NPAS3: variants seen among roughly 807,000 people sequenced by gnomAD.
NPAS3 encodes neuronal PAS domain-containing protein 3.
NPAS3 carries 14 observed loss-of-function variants against 73.1 expected under a neutral mutation model. That is an observed-to-expected ratio of 0.19 (90% CI 0.13 to 0.30). NPAS3 has a LOEUF of 0.30. Among genes scored for constraint, NPAS3 ranks in the 10% least tolerant of loss-of-function variants. The probability of loss-of-function intolerance (pLI) is 1.00; values close to 1 mark genes in which losing one functional copy is unlikely to be tolerated. For missense variants in NPAS3, 1,096 were observed against 1,250.0 expected, an observed-to-expected ratio of 0.88 and a Z score of 1.86; for synonymous variants, 620 against 541.5, an observed-to-expected ratio of 1.14 and a Z score of -2.01.
At chr14:33,106,159 C>G (rs2042716952) in intron 2 of NPAS3, among the ~76,000 whole-genome samples, 1 of 152,146 alleles carries the variant, frequency 6.6e-6, no homozygotes, top group Non-Finnish European at 1.5e-5. Context: ...ACCACAAATT[C>G]ATCCAATATA....
rs912233819 is a variant in NPAS3 at position 33,418,373 on chromosome 14, G to C, written c.468+51105G>C. ...ATGAAGAATGATAATAGATAGTAGG[G>C]AAGCCTCCCAGGCTTGTATGCTGCT... On this transcript the variant is annotated intron_variant, in intron 4 of 11. Transcript: ENST00000356141. 2.0e-5 allele frequency among the ~76,000 whole-genome samples: 3 copies of C among 151,908 alleles called. No homozygotes were observed. In the East Asian group the frequency reaches 5.8e-4, roughly 29 times the overall value.
intron 5 of NPAS3, among the ~76,000 whole-genome samples, chr14:33,587,251 T>C (rs1019414834): frequency 4.6e-5 from 7 of 152,222 alleles, no homozygotes; most frequent in Admixed American, 4.6e-4. Flanking sequence ...AAAATAGTTT[T>C]ATGTCAGTCA....
chr14:33,691,831 A>C (rs901475700), intron 6 of NPAS3, among the ~76,000 whole-genome samples: 1 of 152,114 alleles, frequency 6.6e-6, no homozygotes. Context: ...GGGCTTTAAA[A>C]TTTTTTTAAA....
chr14:32,991,473 T>G (rs1426709640), intron 1 of NPAS3, among the ~76,000 whole-genome samples: 1 of 152,150 alleles, frequency 6.6e-6, no homozygotes, highest in African/African-American at 2.4e-5. Flanking sequence ...CTGTACAAGG[T>G]AGTGGTCTCC....
chr14:33,651,534 C>A (rs977973815), intron 5 of NPAS3, among the ~76,000 whole-genome samples: 3 of 151,808 alleles, frequency 2.0e-5, no homozygotes, highest in African/African-American at 7.3e-5. Flanking sequence ...AATTAGAATA[C>A]AAATTATATA....
chr14:32,967,128 C>T (rs1327080708), intron 1 of NPAS3, among the ~76,000 whole-genome samples: 1 of 152,154 alleles, frequency 6.6e-6, no homozygotes, highest in Non-Finnish European at 1.5e-5. Flanking sequence ...ACCCCTGAGA[C>T]AGCAAGACCA....
At chr14:33,121,680 G>C (rs1009646306) in intron 2 of NPAS3, among the ~76,000 whole-genome samples, 1 of 152,078 alleles carries the variant, frequency 6.6e-6, no homozygotes, top group Non-Finnish European at 1.5e-5. Context: ...TCTCTTCTGA[G>C]AGAATCATGT....
chr14:33,112,804 A>G (rs571983677), intron 2 of NPAS3, among the ~76,000 whole-genome samples: 2 of 152,276 alleles, frequency 1.3e-5, no homozygotes, highest in South Asian at 4.1e-4. Context: ...TTTTAGGGCT[A>G]ACATGTTAAT....
intron 6 of NPAS3, among the ~76,000 whole-genome samples, chr14:33,703,284 A>T (rs2060570985): frequency 6.6e-6 from 1 of 152,164 alleles, no homozygotes; most frequent in Admixed American, 6.5e-5. Flanking sequence ...CAGGAGTTTA[A>T]GACTAGCCTG....
chr14:33,252,132 T>A (rs1211386586), intron 3 of NPAS3, among the ~76,000 whole-genome samples: 1 of 151,474 alleles, frequency 6.6e-6, no homozygotes, highest in African/African-American at 2.4e-5. Flanking sequence ...TGTGTTTTTT[T>A]AAAAACTCAT....
intron 2 of NPAS3, among the ~76,000 whole-genome samples, chr14:33,069,502 G>A (rs1475621648): frequency 2.0e-5 from 3 of 152,208 alleles, no homozygotes; most frequent in African/African-American, 7.2e-5. Flanking sequence ...GGGTAAGTGT[G>A]CAGGCTATGA....
rs1259640683 is a variant in NPAS3 at position 32,953,967 on chromosome 14, G to A, written c.50+14601G>A. ...GTTAATAGTACTTTGTCTGCAAGAT[G>A]TGCAGAAATGTGAGAGACATAGAGA... On this transcript the variant is annotated intron_variant, in intron 1 of 11. Coordinates refer to ENST00000356141, the Ensembl canonical transcript of NPAS3. Among the ~76,000 whole-genome samples, 3 of 152,178 alleles carry A rather than the reference G, an allele frequency of 2.0e-5. No homozygotes were observed. The East Asian group carries it at 5.8e-4, about 29-fold the overall frequency.
intron 5 of NPAS3, among the ~76,000 whole-genome samples, chr14:33,611,741 A>G (rs1402954324): frequency 1.3e-5 from 2 of 152,176 alleles, no homozygotes; most frequent in African/African-American, 2.4e-5. Flanking sequence ...TTGCTTCATC[A>G]TCAATGTTTT....
chr14:33,620,797 T>A (rs1653366898), intron 5 of NPAS3, among the ~76,000 whole-genome samples: 1 of 152,174 alleles, frequency 6.6e-6, no homozygotes, highest in Non-Finnish European at 1.5e-5. Context: ...TATTTCAGCT[T>A]GACTAATAAA....
At chr14:33,149,946 C>A (rs1013774986) in intron 2 of NPAS3, among the ~76,000 whole-genome samples, 1 of 152,144 alleles carries the variant, frequency 6.6e-6, no homozygotes, top group Admixed American at 6.5e-5. Flanking sequence ...CCCCTCACCC[C>A]CTGACAGGCC....
chr14:33,595,439 T>C (rs963404704), intron 5 of NPAS3, among the ~76,000 whole-genome samples: 1 of 152,170 alleles, frequency 6.6e-6, no homozygotes, highest in Non-Finnish European at 1.5e-5. Flanking sequence ...TTAAATTATA[T>C]ATTAAGGGCT....
At chr14:33,321,156 A>G (rs746308664) in intron 3 of NPAS3, among the ~76,000 whole-genome samples, 5 of 152,138 alleles carry the variant, frequency 3.3e-5, no homozygotes, top group African/African-American at 9.7e-5. Context: ...ATCAGTCTTC[A>G]TGGGGGAATA....
At chr14:33,218,639 A>C (rs2047312642) in intron 3 of NPAS3, among the ~76,000 whole-genome samples, 1 of 152,174 alleles carries the variant, frequency 6.6e-6, no homozygotes, top group Non-Finnish European at 1.5e-5. Context: ...TCTTGAATAA[A>C]CCTAAAGGCA....
At chr14:33,643,735 A>G (rs1198116146) in intron 5 of NPAS3, among the ~76,000 whole-genome samples, 1 of 152,196 alleles carries the variant, frequency 6.6e-6, no homozygotes, top group African/African-American at 2.4e-5. Context: ...ATCAGGCAGG[A>G]GAGTGTATGC....
Sources: gnomAD v4.1 joint callset for allele counts (sites outside exome capture counted in the v4.1 genomes callset) on GRCh38, gnomAD v4.1.1 for gene constraint, MANE v1.5 for transcripts, NCBI Gene and HGNC (gene_info 2026-07-23, HGNC 2026-07-21) for gene names.